Variants in SUN2 observed in about 807,000 individuals in gnomAD.
SUN2 encodes the protein SUN domain-containing protein 2.
In SUN2, 60 loss-of-function variants were observed where a neutral mutation model predicts 100.0. The ratio of observed to expected loss-of-function variants is 0.60; its 90% confidence interval spans 0.49 to 0.74. SUN2 has a LOEUF of 0.74. Ranked by LOEUF, SUN2 falls within the 30% of genes least tolerant of loss-of-function variation. The pLI is 0.00. For synonymous variants in SUN2, 367 were observed against 403.3 expected (o/e 0.91, Z 1.08); for missense variants, 834 against 954.6 (o/e 0.87, Z 1.66).
Position 38,737,447 on chromosome 22 carries a change from G to A in SUN2, c.2040+726C>T, listed in dbSNP as rs2092816211. On this transcript the variant is annotated intron_variant, in intron 17 of 17. Transcript: ENST00000689035. The surrounding 1 kb of genome is among the most constrained non-coding windows in gnomAD (Gnocchi z 4.1). ...TGCTTTCCCTCAACCACTTCCTGAC[G>A]GGTCTCCCAGGCCCAGGCTCGCCCC... is the stretch of plus-strand genomic sequence containing the variant. 6.6e-6 allele frequency among the ~76,000 whole-genome samples: 1 copy of A among 152,048 alleles called. No homozygotes were observed. Among genetic ancestry groups the A allele is most frequent in the South Asian group, 2.1e-4 (1 of 4,830 alleles).
At chr22:38,753,856 G>T (rs896987878) in intron 1 of SUN2, among the ~76,000 whole-genome samples, 10 of 152,308 alleles carry the variant, frequency 6.6e-5, no homozygotes, top group African/African-American at 2.2e-4. Context: ...TAGGGCCTGG[G>T]TCTTTCTACT....
In SUN2 at chr22:38,740,863, A is replaced by G. The variant is rs1482451907; in HGVS notation, c.1190+144T>C. On this transcript the variant is annotated intron_variant, in intron 11 of 17. Transcript: ENST00000689035. The surrounding 1 kb of genome is among the most constrained non-coding windows in gnomAD (Gnocchi z 4.8). ...AGACAGGCCCTGGGCAGGGGTCCTG[A>G]GCTGGGTTTCAACCCCTCCCCCTAC... is the stretch of plus-strand genomic sequence containing the variant. 3 of 893,984 alleles carry G rather than the reference A, an allele frequency of 3.4e-6. No individual in the cohort carries two copies. Among genetic ancestry groups the G allele is most frequent in the Non-Finnish European group, 5.3e-6 (3 of 571,332 alleles). The allele number at this position is 893,984 out of a possible 1,614,324, so 55.4% of individuals were successfully genotyped here. A position where few individuals can be genotyped will look rare whatever the true frequency, so the allele number is the denominator to read the frequency against.
chr22:38,735,157 C>T lies in SUN2; in HGVS notation c.*1110G>A. 1 of 436,794 alleles carries T rather than the reference C, an allele frequency of 2.3e-6. No homozygotes were observed. The highest frequency in any genetic ancestry group is 4.6e-6 in the Non-Finnish European group (1 of 219,380). The allele number at this position is 436,794 out of a possible 1,614,324, so 27.1% of individuals were successfully genotyped here. A position where few individuals can be genotyped will look rare whatever the true frequency, so the allele number is the denominator to read the frequency against. ...CTGCTGGCTCTAAAAGTCCCCTCCT[C>T]CCCCTTCCCTATCCAGGGTAACTTC... On this transcript the variant is annotated 3_prime_UTR_variant, in exon 18 of 18. Transcript: ENST00000689035.
chr22:38,740,568 G>A lies in SUN2; in HGVS notation c.1191-136C>T. On this transcript the variant is annotated intron_variant, in intron 11 of 17. Transcript: ENST00000689035. This position sits in a 1 kb window ranked among gnomAD's most constrained non-coding sequence, Gnocchi z 4.8. ...CAGCACTCATTGTGAACCTGAGAAG[G>A]GGCAAGGCCTCTCCTGGGGGTTCTG... 1 of 943,362 alleles carries A rather than the reference G, an allele frequency of 1.1e-6. No homozygotes were observed. Among genetic ancestry groups the A allele is most frequent in the Non-Finnish European group, 1.5e-6 (1 of 662,996 alleles). 58.4% of individuals were successfully genotyped at this position (943,362 alleles called of 1,614,324 possible). A position where few individuals can be genotyped will look rare whatever the true frequency, so the allele number is the denominator to read the frequency against.
Position 38,740,182 on chromosome 22 carries a change from A to C in SUN2, c.1356+85T>G. On this transcript the variant is annotated intron_variant, in intron 12 of 17. Coordinates refer to ENST00000689035, the MANE Select transcript of SUN2 (RefSeq NM_015374.3). This position sits in a 1 kb window ranked among gnomAD's most constrained non-coding sequence, Gnocchi z 4.8. ...GGGCATAACAGAGGCTGCAGGGGCA[A>C]GGGGTGCTGCTTTGCAGGCCCCAGG... 7 of 1,431,242 alleles carry C rather than the reference A, an allele frequency of 4.9e-6. No individual in the cohort carries two copies. Among genetic ancestry groups the C allele is most frequent in the Non-Finnish European group, 6.4e-6 (7 of 1,085,464 alleles). 88.7% of individuals were successfully genotyped at this position (1,431,242 alleles called of 1,614,324 possible).
In SUN2 at chr22:38,742,381, C is replaced by G. The variant is rs746325837; in HGVS notation, c.988G>C (p.Ala330Pro). The G allele has an allele frequency of 1.2e-6, 2 of 1,613,242 alleles. No homozygotes were observed. Among genetic ancestry groups the G allele is most frequent in the Non-Finnish European group, 1.7e-6 (2 of 1,179,980 alleles). Reference sequence around the variant, plus strand: ...CGGCTCACTAGCCCCTCCAGCAGCGCCAGGGTGTCCTCGTGGCTCAGGCCA... The same window carrying G: ...CGGCTCACTAGCCCCTCCAGCAGCGGCAGGGTGTCCTCGTGGCTCAGGCCA... ...GGGLSHEDTL[A>P]LLEGLVSRRE... Residue 330 changes from alanine to proline, a missense_variant, in exon 9 of 18, where the codon GCG (alanine) becomes CCG (proline). Ala to Pro is a conservative substitution (Grantham distance 27, BLOSUM62 -1). Transcript: ENST00000689035.
At chr22:38,754,758 C>T (rs1185992771) in intron 1 of SUN2, 2 of 1,286,436 alleles carry the variant, frequency 1.6e-6, no homozygotes, top group South Asian at 1.2e-5. Context: ...CCCAAGCTGC[C>T]GCTGGGAAGA....
rs1336663988 is a variant in SUN2 at position 38,738,367 on chromosome 22, G to A, written c.1948-102C>T. 10 of 1,183,424 alleles carry A rather than the reference G, an allele frequency of 8.5e-6. No individual in the cohort carries two copies. The highest frequency in any genetic ancestry group is 1.2e-5 in the Non-Finnish European group (10 of 823,132). The allele number at this position is 1,183,424 out of a possible 1,614,324, so 73.3% of individuals were successfully genotyped here. On this transcript the variant is annotated intron_variant, in intron 16 of 17. Coordinates refer to ENST00000689035, the MANE Select transcript of SUN2 (RefSeq NM_015374.3). This position sits in a 1 kb window ranked among gnomAD's most constrained non-coding sequence, Gnocchi z 6.6. ...CCCACCCAGCAGGTCAGGCACCAGA[G>A]TGGCCTATGACAAGTCACTTCACTC... is the stretch of plus-strand genomic sequence containing the variant.
At chr22:38,743,313 G>A (rs1363462909) in intron 8 of SUN2, among the ~76,000 whole-genome samples, 1 of 152,236 alleles carries the variant, frequency 6.6e-6, no homozygotes, top group Non-Finnish European at 1.5e-5. Context: ...CAGGCGGGAC[G>A]TGGTGGCTCA....
chr22:38,736,297 G>A lies in SUN2; in HGVS notation c.2124C>T (p.Arg708=), dbSNP rs939772294. Reference sequence around the variant, plus strand: ...GGGCGGGCTCCCCATGCACTCTGAAGCGGTAGATGCAGGTGTACTCGGGGT... The same window carrying A: ...GGGCGGGCTCCCCATGCACTCTGAAACGGTAGATGCAGGTGTACTCGGGGT... ...WGHPEYTCIY[R]FRVHGEPAH is the part of the protein sequence containing the mutation. Residue 708 remains arginine, a synonymous_variant, in exon 18 of 18, where the codon CGC becomes CGT. Transcript: ENST00000689035. 6.2e-7 allele frequency: 1 copy of A among 1,613,912 alleles called. No individual in the cohort carries two copies. The highest frequency in any genetic ancestry group is 8.5e-7 in the Non-Finnish European group (1 of 1,179,952).
At chr22:38,736,520 T>C (rs1603210623) in intron 17 of SUN2, 140 bp from the exon 18 acceptor site, 4 of 621,968 alleles carry the variant, frequency 6.4e-6, no homozygotes, top group Non-Finnish European at 1.1e-5. Flanking sequence ...AGAACCAGGC[T>C]TCAAAAGCTC....
At position 38,739,376 on chromosome 22, in the gene SUN2, G is replaced by T; in HGVS notation, c.1629C>A (p.Arg543=). Reference sequence around the variant, plus strand: ...CCAGGGCGTAGTCTGCCAGCCCGATGCGGTCCTCACTGTAGCGCTGCAGGG... The same window carrying T: ...CCAGGGCGTAGTCTGCCAGCCCGATTCGGTCCTCACTGTAGCGCTGCAGGG... ...KQALQRYSED[R]IGLADYALES... is the part of the protein sequence containing the mutation. Residue 543 remains arginine, a synonymous_variant, in exon 14 of 18, where the codon CGC becomes CGA. Coordinates refer to ENST00000689035, the MANE Select transcript of SUN2 (RefSeq NM_015374.3). The surrounding 1 kb of genome is among the most constrained non-coding windows in gnomAD (Gnocchi z 6.7). 5 of 1,613,154 alleles carry T rather than the reference G, an allele frequency of 3.1e-6. No individual in the cohort carries two copies. Among genetic ancestry groups the T allele is most frequent in the Non-Finnish European group, 4.2e-6 (5 of 1,180,020 alleles).
chr22:38,750,068 T>A (rs906748739), intron 5 of SUN2, among the ~76,000 whole-genome samples, 157 bp downstream of exon 5: 4 of 149,658 alleles, frequency 2.7e-5, no homozygotes, highest in Non-Finnish European at 5.9e-5. Flanking sequence ...CGCAAGGGGG[T>A]CCCCACAGCT....
In SUN2 at chr22:38,737,602, CG is replaced by C. The variant is rs2092817297; in HGVS notation, c.2040+570del. Among the ~76,000 whole-genome samples, 1 of 152,174 alleles carries C rather than the reference CG, an allele frequency of 6.6e-6. No homozygotes were observed. The highest frequency in any genetic ancestry group is 1.5e-5 in the Non-Finnish European group (1 of 68,030). ...GCCTCCTCTTCCTGCCACTGTCCCT[CG>C]TCCACCTCCCACTATCCCGCCAACC... On this transcript the variant is annotated intron_variant, in intron 17 of 17. Coordinates refer to ENST00000689035, the MANE Select transcript of SUN2 (RefSeq NM_015374.3). This position sits in a 1 kb window ranked among gnomAD's most constrained non-coding sequence, Gnocchi z 4.1.
At position 38,740,736 on chromosome 22, in the gene SUN2, G is replaced by C; in HGVS notation, c.1190+271C>G. On this transcript the variant is annotated intron_variant, in intron 11 of 17. Coordinates refer to ENST00000689035, the MANE Select transcript of SUN2 (RefSeq NM_015374.3). The surrounding 1 kb of genome is among the most constrained non-coding windows in gnomAD (Gnocchi z 4.8). ...GGGGCATGAGAAGGCAGTTATGTGAGGCTGTAAGAAAGGATGCTGTGTCTA... is the reference window on the plus strand; with the variant it reads ...GGGGCATGAGAAGGCAGTTATGTGACGCTGTAAGAAAGGATGCTGTGTCTA... The C allele has an allele frequency of 1.7e-6, 1 of 588,304 alleles. No individual in the cohort carries two copies. Among genetic ancestry groups the C allele is most frequent in the Non-Finnish European group, 3.0e-6 (1 of 330,048 alleles). The allele number at this position is 588,304 out of a possible 1,614,324, so 36.4% of individuals were successfully genotyped here. A position where few individuals can be genotyped will look rare whatever the true frequency, so the allele number is the denominator to read the frequency against.
At position 38,745,718 on chromosome 22, in the gene SUN2, CCCTCAT is replaced by C; in HGVS notation, c.773_778del (p.Asp258_Glu259del). ...TGGCGATGAGTCTCTGGCTTCCCAG[CCCTCAT>C]CCGGCCTCCTGCTGTCCTTCGCTGC... On this transcript the variant is annotated inframe_deletion, in exon 8 of 18. Coordinates refer to ENST00000689035, the MANE Select transcript of SUN2 (RefSeq NM_015374.3). The C allele has an allele frequency of 1.2e-6, 2 of 1,613,976 alleles. No individual in the cohort carries two copies. Among genetic ancestry groups the C allele is most frequent in the Non-Finnish European group, 1.7e-6 (2 of 1,180,014 alleles).
rs754873310 is a variant in SUN2, at chr22:38,739,378, G to A, written c.1627C>T (p.Arg543Cys). The A allele has an allele frequency of 4.0e-5, 65 of 1,613,026 alleles. No individual in the cohort carries two copies. The highest frequency in any genetic ancestry group is 3.3e-5 in the South Asian group (3 of 91,088). ...AGGGCGTAGTCTGCCAGCCCGATGC[G>A]GTCCTCACTGTAGCGCTGCAGGGCC... ...KQALQRYSED[R>C]IGLADYALES... is the part of the protein sequence containing the mutation. Residue 543 changes from arginine to cysteine, a missense_variant, in exon 14 of 18, where the codon CGC becomes TGC. Coordinates refer to ENST00000689035, the MANE Select transcript of SUN2 (RefSeq NM_015374.3). This position sits in a 1 kb window ranked among gnomAD's most constrained non-coding sequence, Gnocchi z 6.7.
In SUN2 at chr22:38,736,687, G is replaced by A. The variant is rs543845667; in HGVS notation, c.2041-307C>T. 8.8e-5 allele frequency: 20 copies of A among 226,938 alleles called. No individual in the cohort carries two copies. In the East Asian group the frequency reaches 1.9e-3, roughly 21 times the overall value. 14.1% of individuals were successfully genotyped at this position (226,938 alleles called of 1,614,324 possible). On this transcript the variant is annotated intron_variant, in intron 17 of 17. Transcript: ENST00000689035. ...CATAGAGGGCTTCATAGATGCTGAT[G>A]TGGGGCACACTTGATTCTTTTTCTC...
At position 38,755,039 on chromosome 22, in the gene SUN2, AGGAAACGCTCATC is replaced by A. The variant is rs900991194; in HGVS notation, c.-38+711_-38+723del. 2 of 1,160,562 alleles carry A rather than the reference AGGAAACGCTCATC, an allele frequency of 1.7e-6. No homozygotes were observed. Among genetic ancestry groups the A allele is most frequent in the Admixed American group, 2.8e-5 (1 of 36,002 alleles). 71.9% of individuals were successfully genotyped at this position (1,160,562 alleles called of 1,614,324 possible). On this transcript the variant is annotated intron_variant, in intron 1 of 17. Coordinates refer to ENST00000689035, the MANE Select transcript of SUN2 (RefSeq NM_015374.3). This position sits in a 1 kb window ranked among gnomAD's most constrained non-coding sequence, Gnocchi z 5.7. ...CCCACCTCCTCCCTAACAATCAGTT[AGGAAACGCTCATC>A]GGAAAGCATCCTTCCCCACTTCTCA...
Sources: allele counts gnomAD v4.1 joint callset (sites outside exome capture counted in the v4.1 genomes callset), GRCh38; gene constraint gnomAD v4.1.1; non-coding constraint Gnocchi (gnomAD v3.1); transcripts MANE v1.5; gene names NCBI Gene and HGNC (gene_info 2026-07-23, HGNC 2026-07-21).